The following PRKN variants were observed in gnomAD, a reference collection of about 807,000 sequenced individuals.
PRKN encodes parkin RBR E3 ubiquitin protein ligase.
A neutral mutation model predicts 59.5 loss-of-function variants in PRKN; 56 were observed. The observed-to-expected ratio is 0.94, with a 90% CI of 0.76 to 1.18. PRKN has a LOEUF of 1.18. Ranked by LOEUF, PRKN falls within the 50% of genes most tolerant of loss-of-function variation. The probability of loss-of-function intolerance (pLI) is 0.00; values close to 1 mark genes in which losing one functional copy is unlikely to be tolerated. For missense variants in PRKN, 657 were observed against 596.4 expected, an observed-to-expected ratio of 1.10 and a Z score of -1.06; for synonymous variants, 250 against 222.1, an observed-to-expected ratio of 1.13 and a Z score of -1.12.
chr6:161,942,470 G>A (rs1183373284), intron 6 of PRKN, among the ~76,000 whole-genome samples: 1 of 152,270 alleles, frequency 6.6e-6, no homozygotes, highest in East Asian at 1.9e-4. Context: ...GGCGGAGGTT[G>A]CAGTGAACTG....
At chr6:161,949,440 G>A (rs1779903445) in intron 6 of PRKN, among the ~76,000 whole-genome samples, 1 of 152,144 alleles carries the variant, frequency 6.6e-6, no homozygotes, top group Non-Finnish European at 1.5e-5. Flanking sequence ...GAACCCAGGA[G>A]GTGGAGGTTG....
rs1057152736 is a variant in PRKN at position 161,405,428 on chromosome 6, A to G, written c.1084-18551T>C. Among the ~76,000 whole-genome samples the G allele has an allele frequency of 6.6e-6, 1 of 151,754 alleles. No homozygotes were observed. Among genetic ancestry groups the G allele is most frequent in the African/African-American group, 2.4e-5 (1 of 41,266 alleles). ...CCCCGTCTCTACCGAAAATGCACAA[A>G]TTAGCCAGGCATGGTGGCACACATC... On this transcript the variant is annotated intron_variant, in intron 9 of 11. Coordinates refer to ENST00000366898, the MANE Select transcript of PRKN (RefSeq NM_004562.3). This position sits in a 1 kb window ranked among gnomAD's most constrained non-coding sequence, Gnocchi z 5.1.
intron 6 of PRKN, among the ~76,000 whole-genome samples, chr6:161,966,324 T>A (rs1408581730): frequency 6.6e-6 from 1 of 150,986 alleles, no homozygotes; most frequent in African/African-American, 2.5e-5. Context: ...CTATTTTGTA[T>A]GTTTTCAATT....
At chr6:162,458,848 A>G (rs1334365205) in intron 1 of PRKN, among the ~76,000 whole-genome samples, 2 of 152,086 alleles carry the variant, frequency 1.3e-5, no homozygotes, top group Admixed American at 6.5e-5. Context: ...ACAGGGTCTC[A>G]CTCTGTCACT....
intron 9 of PRKN, among the ~76,000 whole-genome samples, chr6:161,511,801 G>A (rs1304535663): frequency 6.6e-6 from 1 of 151,662 alleles, no homozygotes; most frequent in African/African-American, 2.4e-5. Flanking sequence ...CAGAATGAAA[G>A]TGGCAGATGG....
chr6:162,218,831 A>T (rs977143863), intron 3 of PRKN, among the ~76,000 whole-genome samples: 4 of 152,070 alleles, frequency 2.6e-5, no homozygotes, highest in African/African-American at 9.7e-5. Flanking sequence ...ATTAAAGAAC[A>T]TCCATCTTCT....
chr6:162,460,637 T>C (rs1356249206), intron 1 of PRKN, among the ~76,000 whole-genome samples: 1 of 152,226 alleles, frequency 6.6e-6, no homozygotes, highest in African/African-American at 2.4e-5. Context: ...TGTGACTTAG[T>C]ACTTTTGGGA....
At chr6:162,217,273 G>C (rs1777719897) in intron 3 of PRKN, among the ~76,000 whole-genome samples, 1 of 152,094 alleles carries the variant, frequency 6.6e-6, no homozygotes, top group Non-Finnish European at 1.5e-5. Context: ...CTCTGTGTGG[G>C]GGTAGGAAGA....
intron 4 of PRKN, among the ~76,000 whole-genome samples, chr6:162,162,004 A>ACC (rs374030792): frequency 1.2e-3 from 183 of 152,274 alleles, no homozygotes; most frequent in Non-Finnish European, 2.1e-3. Context: ...ACCAAAAGAA[A>ACC]CAAAATGATA....
intron 1 of PRKN, among the ~76,000 whole-genome samples, chr6:162,723,571 C>A (rs1222625089): frequency 6.6e-6 from 1 of 152,192 alleles, no homozygotes; most frequent in African/African-American, 2.4e-5. Flanking sequence ...AGGGGCAGGG[C>A]AGCTCTTTAC....
At chr6:161,509,576 T>G (rs1416945026) in intron 9 of PRKN, among the ~76,000 whole-genome samples, 1 of 151,402 alleles carries the variant, frequency 6.6e-6, no homozygotes, top group African/African-American at 2.4e-5. Flanking sequence ...GAGCTTCCTT[T>G]GGGGGGAAAA....
intron 2 of PRKN, among the ~76,000 whole-genome samples, chr6:162,293,839 C>T (rs570480066): frequency 4.6e-5 from 7 of 152,030 alleles, no homozygotes; most frequent in South Asian, 2.1e-4. Flanking sequence ...CCACCGCACC[C>T]GGCTAATTTT....
intron 1 of PRKN, among the ~76,000 whole-genome samples, chr6:162,489,646 T>C (rs1053012630): frequency 6.6e-6 from 1 of 152,198 alleles, no homozygotes; most frequent in Non-Finnish European, 1.5e-5. Flanking sequence ...ATAAGTATGT[T>C]GGGGGCAGCA....
At chr6:162,103,042 C>CAAAA (rs1163020488) in intron 4 of PRKN, among the ~76,000 whole-genome samples, 3 of 54,324 alleles carry the variant, frequency 5.5e-5, no homozygotes, top group African/African-American at 1.9e-4. Context: ...GACTCTGTCT[C>CAAAA]AAAAAAAAAA....
intron 5 of PRKN, among the ~76,000 whole-genome samples, chr6:161,977,148 T>C (rs1781063191): frequency 1.3e-5 from 2 of 152,242 alleles, no homozygotes; most frequent in Admixed American, 1.3e-4. Context: ...CTGTGAAGAA[T>C]GTGGGATTTT....
At chr6:162,061,316 A>G (rs1437222549) in intron 4 of PRKN, among the ~76,000 whole-genome samples, 1 of 152,214 alleles carries the variant, frequency 6.6e-6, no homozygotes, top group Admixed American at 6.5e-5. Flanking sequence ...TGGCACATAG[A>G]GAGTTAAAAA....
intron 6 of PRKN, among the ~76,000 whole-genome samples, chr6:161,874,171 A>C (rs1794506455): frequency 1.8e-5 from 1 of 56,650 alleles, no homozygotes; most frequent in Non-Finnish European, 2.8e-5. Flanking sequence ...TATAATATAT[A>C]ATATATATTA....
chr6:162,354,087 A>C (rs1784741328), intron 2 of PRKN, among the ~76,000 whole-genome samples: 1 of 152,142 alleles, frequency 6.6e-6, no homozygotes, highest in South Asian at 2.1e-4. Flanking sequence ...TTTGTCTAGA[A>C]TTTAATTCTG....
At chr6:162,605,772 C>A (rs1781889886) in intron 1 of PRKN, among the ~76,000 whole-genome samples, 1 of 152,160 alleles carries the variant, frequency 6.6e-6, no homozygotes. Context: ...ATATTCATAT[C>A]ACGTGGCCTT....
Sources: allele counts gnomAD v4.1 joint callset (sites outside exome capture counted in the v4.1 genomes callset), GRCh38; gene constraint gnomAD v4.1.1; non-coding constraint Gnocchi (gnomAD v3.1); transcripts MANE v1.5; gene names NCBI Gene and HGNC (gene_info 2026-07-23, HGNC 2026-07-21).